The following SECISBP2 variants were observed in gnomAD, a reference collection of about 807,000 sequenced individuals.
SECISBP2 encodes the protein SECIS binding protein 2.
In SECISBP2, 96 loss-of-function variants were observed where a neutral mutation model predicts 98.2. The observed-to-expected ratio is 0.98, with a 90% CI of 0.83 to 1.16. SECISBP2 has a LOEUF of 1.16. Ranked by LOEUF, SECISBP2 falls within the 50% of genes most tolerant of loss-of-function variation. SECISBP2 has a pLI of 0.00. For synonymous variants in SECISBP2, 407 were observed against 370.2 expected (o/e 1.10, Z -1.14); for missense variants, 1,046 against 1,022.9 (o/e 1.02, Z -0.31).
In SECISBP2 at chr9:89,348,242, A is replaced by G. The variant is rs779740255; in HGVS notation, c.1738+28A>G. On this transcript the variant is annotated intron_variant, in intron 12 of 16. Coordinates refer to ENST00000375807, the MANE Select transcript of SECISBP2 (RefSeq NM_024077.5). ...ACCAACTTCTCTTTGTGCCTTAAGA[A>G]TAATTTAAACGAGAGCAACTATGAA... The G allele has an allele frequency of 1.9e-6, 3 of 1,613,684 alleles. No homozygotes were observed. The East Asian group carries it at 6.7e-5, about 36-fold the overall frequency.
chr9:89,344,900 G>A (rs1413924218), intron 10 of SECISBP2, among the ~76,000 whole-genome samples: 2 of 152,028 alleles, frequency 1.3e-5, no homozygotes, highest in Non-Finnish European at 2.9e-5. Context: ...AGAAGAGAAG[G>A]AACAAGGAAA....
downstream of SECISBP2, chr9:89,362,418 C>A (rs1832830406): frequency 1.9e-6 from 3 of 1,613,936 alleles, no homozygotes; most frequent in Non-Finnish European, 2.5e-6. Context: ...GGTGTCCTTG[C>A]TACAGCTTTC....
At chr9:89,365,276 C>T in the SECISBP2 span, 1 of 152,396 alleles carries the variant, frequency 6.6e-6, no homozygotes, top group African/African-American at 2.4e-5. Flanking sequence ...CTCTGAAGCT[C>T]CTGCTTGTGG....
intron 10 of SECISBP2, among the ~76,000 whole-genome samples, chr9:89,343,440 T>G (rs189512079): frequency 1.2e-4 from 18 of 152,310 alleles, no homozygotes; most frequent in African/African-American, 4.3e-4. Flanking sequence ...ACAGATTATT[T>G]TGTCACGCAG....
At chr9:89,340,116 A>G (rs1829434725) in intron 9 of SECISBP2, among the ~76,000 whole-genome samples, 163 bp downstream of exon 9, 1 of 152,206 alleles carries the variant, frequency 6.6e-6, no homozygotes, top group East Asian at 1.9e-4. Context: ...TTGAAACAGA[A>G]TTGCTCTTAA....
Position 89,359,252 on chromosome 9 carries a change from C to G in SECISBP2, c.*428C>G. The G allele has an allele frequency of 3.2e-6, 1 of 314,548 alleles. No individual in the cohort carries two copies. The highest frequency in any genetic ancestry group is 6.1e-6 in the Non-Finnish European group (1 of 163,364). 19.5% of individuals were successfully genotyped at this position (314,548 alleles called of 1,614,324 possible). A position where few individuals can be genotyped will look rare whatever the true frequency, so the allele number is the denominator to read the frequency against. On this transcript the variant is annotated 3_prime_UTR_variant, in exon 17 of 17. Transcript: ENST00000375807. ...GGGCCATTCCTGCCCGGCAACAGCA[C>G]CGTCCTGCAGGGAGCCACTTGGCAG...
chr9:89,347,327 G>A (rs1297479582), intron 11 of SECISBP2, among the ~76,000 whole-genome samples: 1 of 152,114 alleles, frequency 6.6e-6, no homozygotes, highest in Non-Finnish European at 1.5e-5. Flanking sequence ...CCAGAAATGG[G>A]AGGAGTTGCA....
rs1052440903 is a variant in SECISBP2, at chr9:89,357,271, C to T, written c.2114-140C>T. The stretch of plus-strand genomic sequence containing the variant: ...GAGTTGATTCTGCAACTTGCTTTCT[C>T]CTTGTATTTTCAGGGGCGTCTGCCT... On this transcript the variant is annotated intron_variant, in intron 14 of 16. Transcript: ENST00000375807. 1.5e-5 allele frequency: 13 copies of T among 887,252 alleles called. No homozygotes were observed. In the East Asian group the frequency reaches 3.1e-4, roughly 21 times the overall value. The allele number at this position is 887,252 out of a possible 1,614,324, so 55.0% of individuals were successfully genotyped here.
chr9:89,364,015 G>A (rs1162821248), downstream of SECISBP2: 5 of 1,612,966 alleles, frequency 3.1e-6, no homozygotes, highest in Admixed American at 1.7e-5. Flanking sequence ...TGCCCCATGA[G>A]GGTGCAGGGG....
Position 89,334,528 on chromosome 9 carries a change from C to G in SECISBP2, c.887C>G (p.Ser296Cys). The G allele has an allele frequency of 6.2e-7, 1 of 1,614,030 alleles. No individual in the cohort carries two copies. The highest frequency in any genetic ancestry group is 1.1e-5 in the South Asian group (1 of 91,082). ...TNSPSCTREL[S>C]WTPMGYVVRQ... ...TTTGGTTATCTTTGAGCAGAGTTAT[C>G]TTGGACACCAATGGGTTATGTTGTT... is the stretch of plus-strand genomic sequence containing the variant. Residue 296 changes from serine to cysteine, a missense_variant, in exon 7 of 17, where the codon TCT (serine) becomes TGT (cysteine). Coordinates refer to ENST00000375807, the MANE Select transcript of SECISBP2 (RefSeq NM_024077.5).
chr9:89,363,496 C>T (rs987469951), downstream of SECISBP2: 12 of 1,613,988 alleles, frequency 7.4e-6, no homozygotes, highest in African/African-American at 1.3e-5. Context: ...AGGCAGAGAG[C>T]TCTCTGGTCC....
chr9:89,366,360 AT>A, the SECISBP2 span, among the ~76,000 whole-genome samples: 1 of 152,216 alleles, frequency 6.6e-6, no homozygotes, highest in South Asian at 2.1e-4. Flanking sequence ...TGCTTTTATA[AT>A]AATAATTTTT....
downstream of SECISBP2, among the ~76,000 whole-genome samples, chr9:89,363,203 CT>C (rs534165902): frequency 1.3e-5 from 2 of 152,256 alleles, no homozygotes; most frequent in Admixed American, 1.3e-4. Flanking sequence ...CCTTCAGTCT[CT>C]TTTAAGGGCT....
At chr9:89,357,010 C>T (rs369207432) in intron 14 of SECISBP2, 23 of 324,720 alleles carry the variant, frequency 7.1e-5, no homozygotes, top group Middle Eastern at 2.2e-3. Flanking sequence ...GGTGAGCCCT[C>T]GGGAGCCAGA....
chr9:89,360,402 ATCAGCTGCAC>A (rs1269842345), downstream of SECISBP2, among the ~76,000 whole-genome samples: 3 of 152,256 alleles, frequency 2.0e-5, no homozygotes, highest in Non-Finnish European at 2.9e-5. Flanking sequence ...AAAATAGCCT[ATCAGCTGCAC>A]TCAGCAGCTA....
At chr9:89,330,039 A>G (rs1827489438) in intron 5 of SECISBP2, 1 of 152,192 alleles carries the variant, frequency 6.6e-6, no homozygotes, top group South Asian at 2.1e-4. Context: ...CCATCATTTC[A>G]TTATGATGTT....
At chr9:89,325,009 G>T (rs1826446312) in intron 2 of SECISBP2, 1 of 276,716 alleles carries the variant, frequency 3.6e-6, no homozygotes, top group Non-Finnish European at 7.0e-6. Context: ...TGGGCTTGGA[G>T]CAGGGAAGGG....
At chr9:89,356,965 C>G (rs1832182384) in intron 14 of SECISBP2, 1 of 285,340 alleles carries the variant, frequency 3.5e-6, no homozygotes, top group Admixed American at 5.0e-5. Flanking sequence ...CTTGGCTGGT[C>G]CCTGGCCCAG....
At chr9:89,341,896 A>C (rs1309688606) in intron 10 of SECISBP2, among the ~76,000 whole-genome samples, 1 of 152,226 alleles carries the variant, frequency 6.6e-6, no homozygotes, top group Non-Finnish European at 1.5e-5. Context: ...TAGACATTGG[A>C]TTTTCAGATA....
Sources: allele counts gnomAD v4.1 joint callset (sites outside exome capture counted in the v4.1 genomes callset), GRCh38; gene constraint gnomAD v4.1.1; transcripts MANE v1.5; gene names NCBI Gene and HGNC (gene_info 2026-07-23, HGNC 2026-07-21).